Variants in PRKAR1A observed in about 807,000 individuals in gnomAD.
PRKAR1A encodes the protein protein kinase cAMP-dependent type I regulatory subunit alpha.
A neutral mutation model predicts 52.0 loss-of-function variants in PRKAR1A; 3 were observed. That is an observed-to-expected ratio of 0.06 (90% confidence interval 0.03 to 0.15). The LOEUF (loss-of-function observed/expected upper bound fraction) is 0.15, where lower values mean the gene tolerates loss of function less well. Among genes scored for constraint, PRKAR1A ranks in the 10% least tolerant of loss-of-function variants. The pLI is 1.00. For missense variants in PRKAR1A, 240 were observed against 477.4 expected (o/e 0.50, Z 4.63); for synonymous variants, 188 against 168.4 (o/e 1.12, Z -0.90).
At chr17:68,525,292 T>G (rs957948335) in intron 6 of PRKAR1A, among the ~76,000 whole-genome samples, 2 of 122,018 alleles carry the variant, frequency 1.6e-5, no homozygotes, top group African/African-American at 6.2e-5. Context: ...CCTCATCTCT[T>G]AAAAAAAAAA....
chr17:68,453,124 G>A, the PRKAR1A span: 1 of 630,370 alleles, frequency 1.6e-6, no homozygotes. Context: ...TAGATCCTTG[G>A]TAACTTCCTA....
the PRKAR1A span, among the ~76,000 whole-genome samples, chr17:68,449,528 C>T: frequency 3.9e-5 from 6 of 152,184 alleles, no homozygotes; most frequent in Admixed American, 2.0e-4. Flanking sequence ...AGGAAGGTGG[C>T]AGAGTTCTTA....
At chr17:68,503,147 TA>T in the PRKAR1A span, among the ~76,000 whole-genome samples, 3 of 152,182 alleles carry the variant, frequency 2.0e-5, no homozygotes, top group Non-Finnish European at 4.4e-5. Context: ...TAGGGAACTA[TA>T]AATTAAAACA....
the PRKAR1A span, chr17:68,421,980 C>A: frequency 2.6e-6 from 2 of 783,338 alleles, no homozygotes; most frequent in East Asian, 2.5e-5. Flanking sequence ...AATGGTCACC[C>A]AGCTTATTTA....
the PRKAR1A span, among the ~76,000 whole-genome samples, chr17:68,476,488 C>G: frequency 2.0e-5 from 3 of 152,200 alleles, no homozygotes; most frequent in African/African-American, 7.2e-5. Context: ...AAGTGTTTGA[C>G]CCCTTCTCTG....
At chr17:68,513,985 T>G (rs2085351191) in intron 1 of PRKAR1A, among the ~76,000 whole-genome samples, 1 of 152,248 alleles carries the variant, frequency 6.6e-6, no homozygotes, top group Non-Finnish European at 1.5e-5. Flanking sequence ...ACAATTCTAC[T>G]GAAGTGGATC....
At chr17:68,494,546 A>C in the PRKAR1A span, among the ~76,000 whole-genome samples, 1 of 152,082 alleles carries the variant, frequency 6.6e-6, no homozygotes, top group African/African-American at 2.4e-5. Context: ...GTCTCAAAAA[A>C]TAAATAAAAT....
intron 2 of PRKAR1A, among the ~76,000 whole-genome samples, chr17:68,517,572 C>T (rs1473999107): frequency 6.6e-6 from 1 of 152,198 alleles, no homozygotes; most frequent in Non-Finnish European, 1.5e-5. Context: ...CACTCACTAT[C>T]ATGATAACAG....
the PRKAR1A span, among the ~76,000 whole-genome samples, chr17:68,441,247 T>C: frequency 6.6e-6 from 1 of 152,138 alleles, no homozygotes; most frequent in Non-Finnish European, 1.5e-5. Flanking sequence ...CAGCCTGCAA[T>C]CTCTGACACA....
the PRKAR1A span, chr17:68,450,856 T>A: frequency 6.2e-7 from 1 of 1,614,130 alleles, no homozygotes; most frequent in Non-Finnish European, 8.5e-7. Flanking sequence ...ACCAGGCTGC[T>A]GGAGAAGAGG....
At chr17:68,511,934 C>T (rs1202238079), upstream of PRKAR1A, 1 of 152,230 alleles carries the variant, frequency 6.6e-6, no homozygotes, top group Non-Finnish European at 1.5e-5. Flanking sequence ...AGGAGTCGCC[C>T]ACCTGTCATC....
rs529059822 is a variant in PRKAR1A, at chr17:68,531,934, A to G, written c.*1485A>G. Reference sequence around the variant, plus strand: ...TGGGAGTGACTGCAAGCATTTTTCCATCTGTGTGCAACTAACTGACTCTGT... The same window carrying G: ...TGGGAGTGACTGCAAGCATTTTTCCGTCTGTGTGCAACTAACTGACTCTGT... On this transcript the variant is annotated 3_prime_UTR_variant, in exon 11 of 11. Transcript: ENST00000589228. 96 of 1,065,596 alleles carry G rather than the reference A, an allele frequency of 9.0e-5. No homozygotes were observed. In the African/African-American group the frequency reaches 1.5e-3, roughly 17 times the overall value. The allele number at this position is 1,065,596 out of a possible 1,614,324, so 66.0% of individuals were successfully genotyped here.
the PRKAR1A span, among the ~76,000 whole-genome samples, chr17:68,488,192 G>A: frequency 6.6e-6 from 1 of 152,134 alleles, no homozygotes; most frequent in Non-Finnish European, 1.5e-5. Flanking sequence ...GGAACAGCCT[G>A]CCCTGAGATC....
chr17:68,523,793 A>T lies in PRKAR1A; in HGVS notation c.417A>T (p.Ser139=), dbSNP rs1318601109. ...CCATTGAAAAGAATGTGCTGTTTTC[A>T]CATCTTGATGATAATGAGAGAAGGT... ...AKAIEKNVLF[S]HLDDNERSDI... The change falls in exon 4 of 11, where the codon TCA becomes TCT. Residue 139 remains serine, a synonymous_variant. Coordinates refer to ENST00000589228, the MANE Select transcript of PRKAR1A (RefSeq NM_002734.5). 1 of 1,613,858 alleles carries T rather than the reference A, an allele frequency of 6.2e-7. No individual in the cohort carries two copies. The highest frequency in any genetic ancestry group is 1.1e-5 in the South Asian group (1 of 91,074).
At chr17:68,420,038 A>G in the PRKAR1A span, 1 of 898,806 alleles carries the variant, frequency 1.1e-6, no homozygotes, top group Non-Finnish European at 1.7e-6. Flanking sequence ...TAGATTCTCA[A>G]GGTAATATTT....
chr17:68,429,926 A>T, the PRKAR1A span: 1 of 1,600,382 alleles, frequency 6.2e-7, no homozygotes, highest in Non-Finnish European at 8.5e-7. Context: ...AGGTTTGGGG[A>T]TTTTTGTGCT....
intron 11 of PRKAR1A, among the ~76,000 whole-genome samples, chr17:68,550,395 TTA>T (rs1491477202): frequency 7.1e-5 from 10 of 139,972 alleles, no homozygotes; most frequent in African/African-American, 2.1e-4. Flanking sequence ...TTTTTTTTTT[TTA>T]AGATAGAGAG....
At chr17:68,429,845 TCC>T in the PRKAR1A span, 2 of 1,121,666 alleles carry the variant, frequency 1.8e-6, no homozygotes, top group Non-Finnish European at 2.6e-6. Context: ...TGCCTTGGCC[TCC>T]CAAGGTTCCG....
At chr17:68,542,643 C>G (rs1312993417) in intron 11 of PRKAR1A, 2 of 1,417,936 alleles carry the variant, frequency 1.4e-6, no homozygotes, top group African/African-American at 2.8e-5. Context: ...GGTGGACACT[C>G]TGGCTTACGA....
Sources: allele counts gnomAD v4.1 joint callset (sites outside exome capture counted in the v4.1 genomes callset), GRCh38; gene constraint gnomAD v4.1.1; transcripts MANE v1.5; gene names NCBI Gene and HGNC (gene_info 2026-07-23, HGNC 2026-07-21).